Variants in NUDC observed in about 807,000 individuals in gnomAD.
NUDC encodes nuclear distribution C, dynein complex regulator.
A neutral mutation model predicts 45.0 loss-of-function variants in NUDC; 14 were observed. The ratio of observed to expected loss-of-function variants is 0.31; its 90% CI spans 0.21 to 0.49. NUDC has a LOEUF of 0.49. Among genes scored for constraint, NUDC ranks in the 20% least tolerant of loss-of-function variants. The probability of loss-of-function intolerance (pLI) is 0.99; values close to 1 mark genes in which losing one functional copy is unlikely to be tolerated. For missense variants in NUDC, 323 were observed against 426.2 expected, an observed-to-expected ratio of 0.76 and a Z score of 2.13; for synonymous variants, 153 against 156.7, an observed-to-expected ratio of 0.98 and a Z score of 0.17.
upstream of NUDC, chr1:26,921,578 C>G (rs1570721005): frequency 1.8e-6 from 1 of 554,426 alleles, no homozygotes; most frequent in East Asian, 3.1e-5. Context: ...GCTCCGCCTA[C>G]CGCTTCGTGG....
chr1:26,931,857 T>A (rs1226210020), intron 2 of NUDC, among the ~76,000 whole-genome samples: 1 of 151,148 alleles, frequency 6.6e-6, no homozygotes, highest in African/African-American at 2.4e-5. Flanking sequence ...TGGCTAATTT[T>A]TGTATTTTTA....
Position 26,905,090 on chromosome 1 carries a change from G to A in NUDC, c.-16+2724G>A, listed in dbSNP as rs897621017. Among the ~76,000 whole-genome samples the A allele has an allele frequency of 1.9e-4, 28 of 150,370 alleles. No individual in the cohort carries two copies. The East Asian group carries it at 5.1e-3, about 27-fold the overall frequency. Reference sequence around the variant, plus strand: ...GACCCTTAGATGATCCGCCCACCTCGGCCTCCCAAAGTGCTGGGATTACAG... The same window carrying A: ...GACCCTTAGATGATCCGCCCACCTCAGCCTCCCAAAGTGCTGGGATTACAG... On this transcript the variant is annotated intron_variant, in intron 2 of 6. Transcript: ENST00000435827.
intron 3 of NUDC, among the ~76,000 whole-genome samples, chr1:26,914,750 T>C (rs1267396688): frequency 6.6e-6 from 1 of 152,010 alleles, no homozygotes; most frequent in Non-Finnish European, 1.5e-5. Context: ...GGGGATCATT[T>C]GAGGTCAGGA....
At position 26,903,967 on chromosome 1, in the gene NUDC, C is replaced by T. The variant is rs553795911; in HGVS notation, c.-16+1601C>T. Reference sequence around the variant, plus strand: ...CGGAGCTTGCAGTGAGCCGAGATCGCGCCACTGCACTCCAGCCTGGGTGAC... The same window carrying T: ...CGGAGCTTGCAGTGAGCCGAGATCGTGCCACTGCACTCCAGCCTGGGTGAC... On this transcript the variant is annotated intron_variant, in intron 2 of 6. Coordinates refer to the NUDC transcript ENST00000435827. Among the ~76,000 whole-genome samples, 133 of 148,664 alleles carry T rather than the reference C, an allele frequency of 8.9e-4. 1 individual carries two copies. Among genetic ancestry groups the T allele is most frequent in the African/African-American group, 2.1e-3 (86 of 40,462 alleles).
chr1:26,914,234 C>A (rs2082048754), intron 3 of NUDC, among the ~76,000 whole-genome samples: 1 of 152,184 alleles, frequency 6.6e-6, no homozygotes, highest in African/African-American at 2.4e-5. Flanking sequence ...TCAGATGACT[C>A]AAGTGGATAA....
chr1:26,913,396 T>G, intron 3 of NUDC: 1 of 1,613,304 alleles, frequency 6.2e-7, no homozygotes, highest in South Asian at 1.1e-5. Context: ...CCCAGGAGTG[T>G]CTGGGAGCTC....
intron 2 of NUDC, among the ~76,000 whole-genome samples, chr1:26,939,600 AAATAAT>A (rs756865410): frequency 6.6e-5 from 10 of 152,110 alleles, no homozygotes; most frequent in South Asian, 2.1e-4. Context: ...CATGCCTCAA[AAATAAT>A]AATAATAATA....
At chr1:26,920,162 G>A (rs776180841), upstream of NUDC, among the ~76,000 whole-genome samples, 2 of 152,214 alleles carry the variant, frequency 1.3e-5, no homozygotes, top group African/African-American at 2.4e-5. Context: ...TTGGCAATAT[G>A]TAGCACTGTA....
In NUDC at chr1:26,945,374, G is replaced by A. The variant is rs758890457; in HGVS notation, c.742-16G>A. 12 of 1,612,502 alleles carry A rather than the reference G, an allele frequency of 7.4e-6. No homozygotes were observed. Among genetic ancestry groups the A allele is most frequent in the Non-Finnish European group, 1.0e-5 (12 of 1,178,822 alleles). Reference sequence around the variant, plus strand: ...AGAGCAGGCCACCTCCCACCCTCTGGTTGTTCTCTTCACAGATCAATAAGA... The same window carrying A: ...AGAGCAGGCCACCTCCCACCCTCTGATTGTTCTCTTCACAGATCAATAAGA... On this transcript the variant is annotated splice_polypyrimidine_tract_variant and intron_variant, in intron 6 of 8. Transcript: ENST00000321265.
At chr1:26,902,642 C>G (rs569468931) in intron 2 of NUDC, among the ~76,000 whole-genome samples, 1 of 151,658 alleles carries the variant, frequency 6.6e-6, no homozygotes, top group Non-Finnish European at 1.5e-5. Flanking sequence ...CTTAGCACGT[C>G]GGGAGGTTGA....
upstream of NUDC, among the ~76,000 whole-genome samples, chr1:26,918,815 A>G (rs1189620832): frequency 1.3e-5 from 2 of 152,050 alleles, no homozygotes; most frequent in African/African-American, 4.8e-5. Flanking sequence ...ACCTCAGGTG[A>G]TCCACCTGCC....
chr1:26,917,999 CAT>C (rs373495616), upstream of NUDC, among the ~76,000 whole-genome samples: 5 of 150,002 alleles, frequency 3.3e-5, no homozygotes, highest in African/African-American at 9.9e-5. Context: ...CACACACACA[CAT>C]TTACAATTAT....
chr1:26,922,497 G>C (rs958083894), intron 1 of NUDC: 1 of 156,910 alleles, frequency 6.4e-6, no homozygotes, highest in Admixed American at 6.3e-5. Flanking sequence ...AGAACCGTAA[G>C]TTCTCAGTAA....
chr1:26,907,621 A>G (rs1001384121), intron 2 of NUDC, among the ~76,000 whole-genome samples: 1 of 151,804 alleles, frequency 6.6e-6, no homozygotes, highest in Non-Finnish European at 1.5e-5. Context: ...CTGACTACTT[A>G]ATAGGCAGTC....
At chr1:26,925,878 C>T (rs770302208) in intron 2 of NUDC, among the ~76,000 whole-genome samples, 3 of 151,846 alleles carry the variant, frequency 2.0e-5, no homozygotes, top group Non-Finnish European at 4.4e-5. Flanking sequence ...TGCACCACCA[C>T]GCCTGGATAA....
chr1:26,913,369 T>G (rs1397707830), intron 3 of NUDC: 1 of 1,604,352 alleles, frequency 6.2e-7, no homozygotes, highest in East Asian at 2.2e-5. Flanking sequence ...TGGCCCCTGC[T>G]TCAGCCTTGC....
At chr1:26,936,134 A>AACATATATATATATATATATATATATAT (rs1553163907) in intron 2 of NUDC, among the ~76,000 whole-genome samples, 2 of 6,812 alleles carry the variant, frequency 2.9e-4, no homozygotes, top group Non-Finnish European at 5.6e-4. Flanking sequence ...ACGCCCGGCT[A>AACATATATATATATATATATATATATAT]ATATATATAT....
intron 3 of NUDC, among the ~76,000 whole-genome samples, chr1:26,915,255 T>C (rs1192436701): frequency 6.6e-6 from 1 of 152,014 alleles, no homozygotes. Context: ...GACTCCAAAG[T>C]CCTTGTTTGT....
At chr1:26,913,829 G>A (rs149602490) in intron 3 of NUDC, 12 of 1,508,844 alleles carry the variant, frequency 8.0e-6, no homozygotes, top group Admixed American at 4.5e-5. Context: ...CATAGGCAGC[G>A]GCTACGGGGT....
Sources: allele counts gnomAD v4.1 joint callset (sites outside exome capture counted in the v4.1 genomes callset), GRCh38; gene constraint gnomAD v4.1.1; transcripts MANE v1.5; gene names NCBI Gene and HGNC (gene_info 2026-07-23, HGNC 2026-07-21).